The following CUX1 variants were observed in gnomAD, a reference collection of about 807,000 sequenced individuals.
CUX1 encodes the protein cut like homeobox 1.
Under a neutral mutation model 158.8 loss-of-function variants are expected in CUX1, and 31 were observed. The ratio of observed to expected loss-of-function variants is 0.20; its 90% CI spans 0.15 to 0.26. The LOEUF is 0.26. Ranked by LOEUF, CUX1 falls within the 10% of genes least tolerant of loss-of-function variation. CUX1 has a pLI of 1.00. For synonymous variants in CUX1, 879 were observed against 862.1 expected (o/e 1.02, Z -0.34); for missense variants, 1,589 against 2,014.6 (o/e 0.79, Z 4.04).
At chr7:102,100,303 A>G (rs1233338551) in intron 5 of CUX1, among the ~76,000 whole-genome samples, 1 of 152,202 alleles carries the variant, frequency 6.6e-6, no homozygotes, top group Non-Finnish European at 1.5e-5. Flanking sequence ...CTGGAGGCAG[A>G]CAGACAGACC....
intron 2 of CUX1, among the ~76,000 whole-genome samples, chr7:102,006,542 G>C (rs1326015017): frequency 6.6e-6 from 1 of 152,092 alleles, no homozygotes; most frequent in Non-Finnish European, 1.5e-5. Flanking sequence ...GATTACAGGA[G>C]CGCGCCACCA....
At chr7:102,034,919 T>G (rs928134478) in intron 3 of CUX1, among the ~76,000 whole-genome samples, 7 of 151,688 alleles carry the variant, frequency 4.6e-5, no homozygotes, top group East Asian at 1.9e-4. Context: ...GGGCAACAGA[T>G]CAAGATTCCA....
rs1585700367 is a variant in CUX1, at chr7:102,106,000, A to G, written c.530+1541A>G. On this transcript the variant is annotated intron_variant, in intron 6 of 23. Transcript: ENST00000292535. ...GACTACAGGTAAGGGGCCAAGTGGG[A>G]CTGTGGCTGGTGTGGGATTTTGTTG... Among the ~76,000 whole-genome samples, 4 of 151,136 alleles carry G rather than the reference A, an allele frequency of 2.6e-5. No individual in the cohort carries two copies. The South Asian group carries it at 8.4e-4, about 32-fold the overall frequency.
At chr7:102,197,334 C>G in intron 15 of CUX1, 29 bp downstream of exon 15, 1 of 1,598,154 alleles carries the variant, frequency 6.3e-7, no homozygotes, top group Non-Finnish European at 8.6e-7. Context: ...GTGGCGCCAG[C>G]GTGCGAGCCC....
intron 12 of CUX1, among the ~76,000 whole-genome samples, chr7:102,192,755 C>A (rs1794416508): frequency 2.0e-5 from 3 of 152,208 alleles, no homozygotes; most frequent in Admixed American, 6.5e-5. Context: ...TCGTAAATCT[C>A]ACGGTCCAGC....
At chr7:102,221,070 T>C (rs983245145) in intron 20 of CUX1, among the ~76,000 whole-genome samples, 1 of 151,960 alleles carries the variant, frequency 6.6e-6, no homozygotes, top group Admixed American at 6.6e-5. Context: ...CCCTCTCCCC[T>C]AACCTCCTCC....
chr7:101,836,548 AAATC>A (rs1794651586), intron 1 of CUX1, among the ~76,000 whole-genome samples: 1 of 151,916 alleles, frequency 6.6e-6, no homozygotes, highest in Non-Finnish European at 1.5e-5. Flanking sequence ...AGGGTTGTCT[AAATC>A]AATCCTTGGC....
chr7:101,816,895 A>G (rs1016823128), upstream of CUX1: 51 of 978,442 alleles, frequency 5.2e-5, no homozygotes, highest in African/African-American at 8.8e-4. Context: ...CCGCTCCGGC[A>G]CCCCGCGTGT....
intron 3 of CUX1, among the ~76,000 whole-genome samples, chr7:102,044,573 T>A (rs1822519243): frequency 6.6e-6 from 1 of 152,166 alleles, no homozygotes; most frequent in Non-Finnish European, 1.5e-5. Context: ...CTCTTAAGAT[T>A]GTACATGCTT....
At chr7:101,974,410 A>G (rs1812386641) in intron 2 of CUX1, among the ~76,000 whole-genome samples, 1 of 152,154 alleles carries the variant, frequency 6.6e-6, no homozygotes, top group South Asian at 2.1e-4. Context: ...GTTCTTATGA[A>G]ATGTGAAGTG....
intron 21 of CUX1, among the ~76,000 whole-genome samples, chr7:102,231,430 A>C (rs1798977226): frequency 6.6e-6 from 1 of 151,628 alleles, no homozygotes; most frequent in Non-Finnish European, 1.5e-5. Context: ...TCATTGCTGG[A>C]GTTTTCCTTG....
At chr7:102,167,501 C>T (rs1281431014) in intron 9 of CUX1, among the ~76,000 whole-genome samples, 2 of 152,290 alleles carry the variant, frequency 1.3e-5, no homozygotes, top group Admixed American at 6.5e-5. Flanking sequence ...GCCAGTGTTA[C>T]AAGTCAGGGT....
At chr7:102,052,087 G>C (rs752200140) in intron 3 of CUX1, among the ~76,000 whole-genome samples, 4 of 152,190 alleles carry the variant, frequency 2.6e-5, no homozygotes, top group Middle Eastern at 3.4e-3. Flanking sequence ...CAAGCGTGGT[G>C]GTGGGCGCCT....
chr7:102,175,447 C>A (rs1554511588), intron 10 of CUX1, among the ~76,000 whole-genome samples: 1 of 152,176 alleles, frequency 6.6e-6, no homozygotes, highest in African/African-American at 2.4e-5. Flanking sequence ...CTACATGTCA[C>A]TTCTGCCATG....
intron 20 of CUX1, among the ~76,000 whole-genome samples, chr7:102,220,217 TG>T (rs1325140308): frequency 1.1e-4 from 17 of 152,012 alleles, no homozygotes; most frequent in African/African-American, 4.1e-4. Flanking sequence ...AAAAATTAGC[TG>T]GGCCTGGTGG....
chr7:102,045,068 G>A (rs1310377255), intron 3 of CUX1, among the ~76,000 whole-genome samples: 1 of 152,102 alleles, frequency 6.6e-6, no homozygotes, highest in Non-Finnish European at 1.5e-5. Context: ...TTATCTTATG[G>A]CAAAACCCGC....
chr7:101,990,503 A>G (rs1289658092), intron 2 of CUX1, among the ~76,000 whole-genome samples: 1 of 152,130 alleles, frequency 6.6e-6, no homozygotes, highest in Admixed American at 6.5e-5. Context: ...CAGCCTCCCA[A>G]GTAGCTGGGA....
intron 1 of CUX1, among the ~76,000 whole-genome samples, chr7:101,887,814 C>A (rs946475272): frequency 2.0e-5 from 3 of 151,404 alleles, no homozygotes; most frequent in Non-Finnish European, 4.4e-5. Flanking sequence ...AAACCAAATC[C>A]TGCCACTGGA....
chr7:102,209,014 A>AG (rs1389673453), intron 20 of CUX1, among the ~76,000 whole-genome samples: 1 of 152,196 alleles, frequency 6.6e-6, no homozygotes, highest in African/African-American at 2.4e-5. Flanking sequence ...TCGGGCTTAC[A>AG]GCGGAGTCCG....
Sources: allele counts gnomAD v4.1 joint callset (sites outside exome capture counted in the v4.1 genomes callset), GRCh38; gene constraint gnomAD v4.1.1; transcripts MANE v1.5; gene names NCBI Gene and HGNC (gene_info 2026-07-23, HGNC 2026-07-21).